MANBA: variants seen among roughly 807,000 people sequenced by gnomAD.
The protein encoded by MANBA is mannosidase beta.
A neutral mutation model predicts 111.1 loss-of-function variants in MANBA; 83 were observed. That is an observed-to-expected ratio of 0.75 (90% confidence interval 0.63 to 0.90). The LOEUF is 0.90. MANBA is among the 40% of genes least tolerant of loss of function. The probability of loss-of-function intolerance (pLI) is 0.00; values close to 1 mark genes in which losing one functional copy is unlikely to be tolerated. For missense variants in MANBA, 1,036 were observed against 1,069.0 expected, an observed-to-expected ratio of 0.97 and a Z score of 0.43; for synonymous variants, 370 against 378.7, an observed-to-expected ratio of 0.98 and a Z score of 0.27.
At chr4:102,759,511 G>A (rs1321353427) in intron 1 of MANBA, among the ~76,000 whole-genome samples, 6 of 150,732 alleles carry the variant, frequency 4.0e-5, no homozygotes, top group African/African-American at 1.5e-4. Context: ...AAAATACATC[G>A]GACAATGGTC....
intron 1 of MANBA, among the ~76,000 whole-genome samples, chr4:102,747,900 CA>C (rs1479133235): frequency 6.6e-6 from 1 of 152,194 alleles, no homozygotes; most frequent in Admixed American, 6.5e-5. Flanking sequence ...GCAAGGTTTT[CA>C]AGGAGACACA....
At chr4:102,646,605 C>G (rs1254665030) in intron 13 of MANBA, among the ~76,000 whole-genome samples, 1 of 152,132 alleles carries the variant, frequency 6.6e-6, no homozygotes, top group African/African-American at 2.4e-5. Flanking sequence ...CTGGCCTGCT[C>G]TCTTAGTGGC....
intron 5 of MANBA, among the ~76,000 whole-genome samples, chr4:102,701,835 GT>G (rs1251243112): frequency 6.6e-6 from 1 of 150,754 alleles, no homozygotes; most frequent in African/African-American, 2.4e-5. Flanking sequence ...ACAATTATGT[GT>G]CTTGGAGTTG....
intron 5 of MANBA, among the ~76,000 whole-genome samples, chr4:102,697,184 CA>C (rs774727791): frequency 4.1e-4 from 62 of 152,084 alleles, no homozygotes; most frequent in Non-Finnish European, 7.9e-4. Context: ...ATTATTCAAG[CA>C]ACCTACCCTC....
intron 1 of MANBA, among the ~76,000 whole-genome samples, chr4:102,735,520 C>T (rs1267053831): frequency 9.6e-6 from 1 of 104,464 alleles, no homozygotes; most frequent in South Asian, 2.5e-4. Context: ...AGAGAAAATA[C>T]CAAAAAAAAA....
intron 1 of MANBA, among the ~76,000 whole-genome samples, chr4:102,743,886 T>C (rs758866464): frequency 2.0e-5 from 3 of 152,156 alleles, no homozygotes; most frequent in Non-Finnish European, 4.4e-5. Flanking sequence ...TGCTCCAAAA[T>C]CCTAGCAGCC....
At chr4:102,737,491 T>G (rs992277998) in intron 1 of MANBA, among the ~76,000 whole-genome samples, 8 of 149,410 alleles carry the variant, frequency 5.4e-5, no homozygotes, top group Non-Finnish European at 1.5e-5. Context: ...TGTTTGTTTG[T>G]TTTTTTTTTG....
Position 102,672,323 on chromosome 4 carries a change from A to G in MANBA, c.1113-925T>C, listed in dbSNP as rs75510228. ...TTAATTTAGATAATAAATAAGTTTA[A>G]ATGTGTTTATTTTCATTTCATAAAG... On this transcript the variant is annotated intron_variant, in intron 8 of 16. Coordinates refer to ENST00000647097, the MANE Select transcript of MANBA (RefSeq NM_005908.4). Among the ~76,000 whole-genome samples the G allele has an allele frequency of 9.2e-3, 1,408 of 152,266 alleles. 27 individuals are homozygous for G. The highest frequency in any genetic ancestry group is 0.032 in the African/African-American group (1,337 of 41,532).
rs530628094 is a variant in MANBA at position 102,745,467 on chromosome 4, C to T, written c.177+15251G>A. 2.6e-5 allele frequency among the ~76,000 whole-genome samples: 4 copies of T among 152,248 alleles called. No homozygotes were observed. The South Asian group carries it at 8.3e-4, about 32-fold the overall frequency. On this transcript the variant is annotated intron_variant, in intron 1 of 16. Coordinates refer to ENST00000647097, the MANE Select transcript of MANBA (RefSeq NM_005908.4). ...GCCATCACAAATCCATTTCGCAAAG[C>T]GTTGGTCAAGGGTGTATCTTCTGGA... is the stretch of plus-strand genomic sequence containing the variant.
At chr4:102,675,311 G>A (rs1731677446) in intron 7 of MANBA, among the ~76,000 whole-genome samples, 1 of 152,174 alleles carries the variant, frequency 6.6e-6, no homozygotes, top group Admixed American at 6.5e-5. Flanking sequence ...GAGACTACAT[G>A]ATGTGTGCCT....
At chr4:102,653,698 A>G (rs922180938) in intron 12 of MANBA, among the ~76,000 whole-genome samples, 2 of 152,240 alleles carry the variant, frequency 1.3e-5, no homozygotes, top group Non-Finnish European at 2.9e-5. Context: ...CTATTTTAAA[A>G]TATAGTGTTT....
At chr4:102,730,982 A>G (rs1422007929) in intron 1 of MANBA, among the ~76,000 whole-genome samples, 1 of 151,924 alleles carries the variant, frequency 6.6e-6, no homozygotes, top group Non-Finnish European at 1.5e-5. Flanking sequence ...CTCCCCTTCT[A>G]TATTTAAAAA....
At chr4:102,692,394 T>TA (rs1262859053) in intron 5 of MANBA, among the ~76,000 whole-genome samples, 6 of 152,178 alleles carry the variant, frequency 3.9e-5, no homozygotes, top group Non-Finnish European at 5.9e-5. Flanking sequence ...GGTTTTGAAG[T>TA]AGAGTTTTAT....
At chr4:102,702,153 G>A (rs541765983) in intron 5 of MANBA, among the ~76,000 whole-genome samples, 81 of 151,530 alleles carry the variant, frequency 5.3e-4, no homozygotes, top group African/African-American at 1.6e-3. Flanking sequence ...TGATCGCATC[G>A]GCTCCTGAGG....
intron 1 of MANBA, 136 bp downstream of exon 1, chr4:102,760,582 C>T: frequency 2.0e-6 from 2 of 1,004,448 alleles, no homozygotes; most frequent in Non-Finnish European, 1.4e-6. Context: ...CCGCAGATCA[C>T]AAGATGCAAA....
chr4:102,662,478 G>C (rs1264146478), intron 11 of MANBA: 2 of 148,588 alleles, frequency 1.3e-5, no homozygotes, highest in Non-Finnish European at 1.5e-5. Flanking sequence ...CCAGGAGGCA[G>C]AGCTTGCAGT....
chr4:102,701,922 C>G (rs1308153486), intron 5 of MANBA, among the ~76,000 whole-genome samples: 23 of 149,118 alleles, frequency 1.5e-4, no homozygotes, highest in Middle Eastern at 3.4e-3. Context: ...GCTAGATTGG[C>G]AAAGTTCTCC....
At chr4:102,707,024 C>G (rs954734647) in intron 5 of MANBA, among the ~76,000 whole-genome samples, 1 of 152,082 alleles carries the variant, frequency 6.6e-6, no homozygotes, top group East Asian at 1.9e-4. Flanking sequence ...AAAATAATAG[C>G]TGAAAACTTC....
rs548260701 is a variant in MANBA, at chr4:102,693,631, G to A, written c.674-2860C>T. Reference sequence around the variant, plus strand: ...ACTCTGCCTATGGTATTTTCTTAGGGCAGCCAGAGCAGACTAACTTAATAG... The same window carrying A: ...ACTCTGCCTATGGTATTTTCTTAGGACAGCCAGAGCAGACTAACTTAATAG... On this transcript the variant is annotated intron_variant, in intron 5 of 16. Coordinates refer to ENST00000647097, the MANE Select transcript of MANBA (RefSeq NM_005908.4). Among the ~76,000 whole-genome samples the A allele has an allele frequency of 4.6e-5, 7 of 152,220 alleles. No individual in the cohort carries two copies. The South Asian group carries it at 1.5e-3, about 32-fold the overall frequency.
Sources: gnomAD v4.1 joint callset for allele counts (sites outside exome capture counted in the v4.1 genomes callset) on GRCh38, gnomAD v4.1.1 for gene constraint, MANE v1.5 for transcripts, NCBI Gene and HGNC (gene_info 2026-07-23, HGNC 2026-07-21) for gene names.